CUEDC1: variants seen among roughly 807,000 people sequenced by gnomAD.
CUEDC1 encodes the protein CUE domain containing 1, also known as CUE domain-containing protein 1.
Under a neutral mutation model 43.7 loss-of-function variants are expected in CUEDC1, and 30 were observed. The observed-to-expected ratio is 0.69, with a 90% confidence interval of 0.51 to 0.93. The LOEUF is 0.93. Ranked by LOEUF, CUEDC1 falls within the 40% of genes least tolerant of loss-of-function variation. The pLI, the probability that CUEDC1 is intolerant of heterozygous loss-of-function variation, is 0.00. For synonymous variants in CUEDC1, 223 were observed against 223.6 expected (o/e 1.00, Z 0.02); for missense variants, 486 against 549.0 (o/e 0.89, Z 1.15).
intron 1 of CUEDC1, among the ~76,000 whole-genome samples, chr17:57,903,945 A>AG (rs1044120223): frequency 4.0e-5 from 6 of 151,522 alleles, no homozygotes; most frequent in Admixed American, 4.0e-4. Flanking sequence ...TTCAAAAAAA[A>AG]AAAAAATCAG....
At chr17:57,939,684 A>T (rs990962303) in intron 1 of CUEDC1, among the ~76,000 whole-genome samples, 63 of 152,238 alleles carry the variant, frequency 4.1e-4, no homozygotes, top group African/African-American at 1.4e-3. Context: ...CTGCGTGATC[A>T]TGCCCTCCTG....
At chr17:57,921,141 G>A (rs190198147) in intron 1 of CUEDC1, among the ~76,000 whole-genome samples, 3 of 152,228 alleles carry the variant, frequency 2.0e-5, no homozygotes, top group African/African-American at 7.2e-5. Flanking sequence ...AACAAAAGGA[G>A]TGCTGTGCTT....
intron 1 of CUEDC1, among the ~76,000 whole-genome samples, chr17:57,934,933 C>T (rs1326948862): frequency 6.6e-6 from 1 of 152,138 alleles, no homozygotes; most frequent in Admixed American, 6.5e-5. Flanking sequence ...GTCTCGAACT[C>T]CTGAGCTCAG....
At chr17:57,914,583 A>G (rs184218278) in intron 1 of CUEDC1, among the ~76,000 whole-genome samples, 1 of 152,212 alleles carries the variant, frequency 6.6e-6, no homozygotes, top group Admixed American at 6.5e-5. Context: ...CCCAACTGGG[A>G]GCTCCTGGAG....
intron 1 of CUEDC1, among the ~76,000 whole-genome samples, chr17:57,911,735 G>C (rs373514666): frequency 1.3e-5 from 2 of 152,268 alleles, no homozygotes; most frequent in East Asian, 3.9e-4. Context: ...GTGATCTCCT[G>C]ATCTCAAGTG....
At position 57,869,034 on chromosome 17, in the gene CUEDC1, T is replaced by C. The variant is rs8067058; in HGVS notation, c.940+88A>G. 0.018 allele frequency: 24,330 copies of C among 1,335,870 alleles called. 3,160 individuals carry two copies. The African/African-American group carries it at 0.29, about 16-fold the overall frequency. 82.8% of individuals were successfully genotyped at this position (1,335,870 alleles called of 1,614,324 possible). ...TTCACCAAGAGTCAGCTGCATTACA[T>C]GTGCTGAGGGGCTCCCTCACTCCTG... On this transcript the variant is annotated intron_variant, in intron 7 of 10. Coordinates refer to ENST00000577830, the MANE Select transcript of CUEDC1 (RefSeq NM_001271875.2).
intron 2 of CUEDC1, among the ~76,000 whole-genome samples, chr17:57,881,233 G>A (rs1393124181): frequency 6.6e-6 from 1 of 152,208 alleles, no homozygotes; most frequent in East Asian, 1.9e-4. Flanking sequence ...AGTGCTCTGC[G>A]CTTACATAGC....
chr17:57,925,841 T>C (rs1261910113), intron 1 of CUEDC1, among the ~76,000 whole-genome samples: 2 of 152,232 alleles, frequency 1.3e-5, no homozygotes, highest in Non-Finnish European at 2.9e-5. Flanking sequence ...CCGTCCTCCC[T>C]TACCCAGGCC....
intron 1 of CUEDC1, among the ~76,000 whole-genome samples, chr17:57,899,558 T>C (rs1357339251): frequency 2.0e-5 from 3 of 152,134 alleles, no homozygotes; most frequent in Admixed American, 2.0e-4. Context: ...GCTCTCTCCT[T>C]GTATGGGCAC....
chr17:57,895,694 T>C (rs1428083971), intron 1 of CUEDC1, among the ~76,000 whole-genome samples: 2 of 151,980 alleles, frequency 1.3e-5, no homozygotes, highest in African/African-American at 4.8e-5. Flanking sequence ...GGGGCTACTG[T>C]CCCCCTGCCC....
At chr17:57,920,053 C>T (rs2074684062) in intron 1 of CUEDC1, among the ~76,000 whole-genome samples, 1 of 152,194 alleles carries the variant, frequency 6.6e-6, no homozygotes, top group South Asian at 2.1e-4. Context: ...AGGAAAGATG[C>T]CATTCTTATT....
intron 8 of CUEDC1, 109 bp from the exon 9 acceptor site, chr17:57,867,524 C>A (rs981695690): frequency 5.1e-6 from 5 of 981,874 alleles, no homozygotes; most frequent in Non-Finnish European, 7.8e-6. Context: ...AGGTACCTGA[C>A]ACACCCACCT....
chr17:57,917,321 T>A (rs1336525856), intron 1 of CUEDC1, among the ~76,000 whole-genome samples: 1 of 152,154 alleles, frequency 6.6e-6, no homozygotes, highest in Non-Finnish European at 1.5e-5. Context: ...TCAGAGGCTG[T>A]CATAAGGGCC....
At chr17:57,944,430 G>A (rs1177623985) in intron 1 of CUEDC1, among the ~76,000 whole-genome samples, 4 of 152,144 alleles carry the variant, frequency 2.6e-5, no homozygotes, top group South Asian at 4.1e-4. Context: ...GGCTGGTCTC[G>A]AACTCCCGAC....
intron 1 of CUEDC1, among the ~76,000 whole-genome samples, chr17:57,927,226 G>A (rs548432595): frequency 2.0e-5 from 3 of 152,158 alleles, no homozygotes; most frequent in Admixed American, 6.5e-5. Context: ...GCATCCAGGG[G>A]CAGGCGGGCC....
chr17:57,877,968 T>G lies in CUEDC1; in HGVS notation c.464+1643A>C, dbSNP rs926633158. On this transcript the variant is annotated intron_variant, in intron 3 of 10. Transcript: ENST00000577830. Reference sequence around the variant, plus strand: ...TCTATCCCAGGCTGCAAGTCCTGCCTAGGTCTCACCCAGACCCACCCACTC... The same window carrying G: ...TCTATCCCAGGCTGCAAGTCCTGCCGAGGTCTCACCCAGACCCACCCACTC... Among the ~76,000 whole-genome samples, 6 of 150,278 alleles carry G rather than the reference T, an allele frequency of 4.0e-5. No homozygotes were observed. In the East Asian group the frequency reaches 1.2e-3, roughly 29 times the overall value.
At chr17:57,943,238 G>A (rs143098931) in intron 1 of CUEDC1, among the ~76,000 whole-genome samples, 55 of 152,262 alleles carry the variant, frequency 3.6e-4, no homozygotes, top group African/African-American at 9.9e-4. Flanking sequence ...AGCACGAACC[G>A]CCAAGGCCCT....
chr17:57,869,243 G>A (rs1261090462), intron 6 of CUEDC1, 50 bp from the exon 7 acceptor site: 15 of 1,516,714 alleles, frequency 9.9e-6, no homozygotes, highest in South Asian at 1.1e-5. Context: ...AGCCATGGCC[G>A]CTGTCCCAGC....
intron 1 of CUEDC1, among the ~76,000 whole-genome samples, chr17:57,905,743 C>T (rs551969173): frequency 1.8e-4 from 27 of 152,268 alleles, no homozygotes; most frequent in Middle Eastern, 3.4e-3. Flanking sequence ...GTACACCGTA[C>T]CATTTTTGTT....
Sources: allele counts gnomAD v4.1 joint callset (sites outside exome capture counted in the v4.1 genomes callset), GRCh38; gene constraint gnomAD v4.1.1; transcripts MANE v1.5; gene names NCBI Gene and HGNC (gene_info 2026-07-23, HGNC 2026-07-21).